The following AP3B1 variants were observed in gnomAD, a reference collection of about 807,000 sequenced individuals.
AP3B1 encodes the protein adaptor related protein complex 3 subunit beta 1.
A neutral mutation model predicts 132.5 loss-of-function variants in AP3B1; 61 were observed. The ratio of observed to expected loss-of-function variants is 0.46; its 90% CI spans 0.37 to 0.57. AP3B1 has a LOEUF of 0.57. Ranked by LOEUF, AP3B1 falls within the 20% of genes least tolerant of loss-of-function variation. The pLI is 0.00. For synonymous variants in AP3B1, 388 were observed against 438.3 expected (o/e 0.89, Z 1.43); for missense variants, 1,120 against 1,289.4 (o/e 0.87, Z 2.01).
At chr5:78,007,435 CT>C (rs34485900) in intron 26 of AP3B1, among the ~76,000 whole-genome samples, 13,807 of 146,596 alleles carry the variant, frequency 0.094, 1,216 homozygotes, top group African/African-American at 0.22. Context: ...CAGGCTAAAA[CT>C]TTTTTTTTTT....
intron 22 of AP3B1, among the ~76,000 whole-genome samples, chr5:78,085,504 C>T (rs1750203400): frequency 6.6e-6 from 1 of 152,110 alleles, no homozygotes; most frequent in African/African-American, 2.4e-5. Context: ...AAAGACAGAA[C>T]ATTATCAGCA....
intron 22 of AP3B1, among the ~76,000 whole-genome samples, chr5:78,053,019 G>C (rs965713614): frequency 6.6e-6 from 1 of 152,200 alleles, no homozygotes; most frequent in African/African-American, 2.4e-5. Flanking sequence ...AGAACCCAGA[G>C]CATTTTACAG....
intron 11 of AP3B1, among the ~76,000 whole-genome samples, chr5:78,166,595 CTT>C (rs1016391468): frequency 6.3e-4 from 96 of 152,054 alleles, no homozygotes; most frequent in African/African-American, 2.3e-3. Context: ...AATATTTAGT[CTT>C]AAGAAAATCA....
chr5:78,130,889 A>G (rs1053574429), intron 15 of AP3B1, among the ~76,000 whole-genome samples: 2 of 151,996 alleles, frequency 1.3e-5, no homozygotes, highest in Non-Finnish European at 2.9e-5. Context: ...TAGCAGAATG[A>G]TACATTTGGC....
intron 15 of AP3B1, among the ~76,000 whole-genome samples, chr5:78,134,157 A>AAAAAAAAAAG (rs1752807274): frequency 6.6e-6 from 1 of 151,594 alleles, no homozygotes; most frequent in African/African-American, 2.4e-5. Flanking sequence ...CTCAAAAAAA[A>AAAAAAAAAAG]AAAAAAAAAG....
At chr5:78,184,832 T>A (rs983702070) in intron 7 of AP3B1, among the ~76,000 whole-genome samples, 1 of 152,300 alleles carries the variant, frequency 6.6e-6, no homozygotes, top group Non-Finnish European at 1.5e-5. Context: ...TGCAAACTTT[T>A]TAAATTTGGC....
intron 22 of AP3B1, among the ~76,000 whole-genome samples, chr5:78,086,576 C>T (rs1195787153): frequency 2.0e-5 from 3 of 152,098 alleles, no homozygotes; most frequent in Non-Finnish European, 4.4e-5. Context: ...AATGCTTTGA[C>T]GTTTACAACT....
chr5:78,283,410 T>C (rs997602386), intron 1 of AP3B1, among the ~76,000 whole-genome samples: 3 of 152,212 alleles, frequency 2.0e-5, no homozygotes, highest in Admixed American at 6.5e-5. Flanking sequence ...TTCAAAAACT[T>C]GTACAATCAA....
chr5:78,267,116 TA>T (rs1748352453), intron 2 of AP3B1, among the ~76,000 whole-genome samples: 1 of 151,940 alleles, frequency 6.6e-6, no homozygotes, highest in Admixed American at 6.6e-5. Context: ...TAAGAGAATT[TA>T]AAAAACAGAT....
chr5:78,193,770 A>ATATATATATATTTTTTTTT lies in AP3B1; in HGVS notation c.787-12109_787-12108insAAAAAAAAATATATATATA. On this transcript the variant is annotated intron_variant, in intron 7 of 26. Transcript: ENST00000255194. ...TATATATATATATATATATATATAT[A>ATATATATATATTTTTTTTT]TTTTTTTTTTAGACAGAGTCTCGCT... Among the ~76,000 whole-genome samples, 451 of 66,840 alleles carry ATATATATATATTTTTTTTT rather than the reference A, an allele frequency of 6.7e-3. 2 individuals are homozygous for ATATATATATATTTTTTTTT. Among genetic ancestry groups the ATATATATATATTTTTTTTT allele is most frequent in the Non-Finnish European group, 0.011 (344 of 30,862 alleles). 43.8% of individuals were successfully genotyped at this position (66,840 alleles called of 152,430 possible). A position where few individuals can be genotyped will look rare whatever the true frequency, so the allele number is the denominator to read the frequency against.
intron 25 of AP3B1, among the ~76,000 whole-genome samples, chr5:78,016,752 T>C (rs927280999): frequency 2.0e-5 from 3 of 152,142 alleles, no homozygotes; most frequent in Non-Finnish European, 4.4e-5. Flanking sequence ...ACAAGCATTT[T>C]TCACTAACCA....
At chr5:78,061,777 G>A (rs1749072982) in intron 22 of AP3B1, among the ~76,000 whole-genome samples, 1 of 152,170 alleles carries the variant, frequency 6.6e-6, no homozygotes, top group Admixed American at 6.5e-5. Context: ...TGTACCCTGA[G>A]TAAATAACTT....
intron 17 of AP3B1, among the ~76,000 whole-genome samples, chr5:78,121,132 T>A (rs1056488820): frequency 3.3e-5 from 5 of 152,084 alleles, no homozygotes; most frequent in Non-Finnish European, 5.9e-5. Context: ...ATAAAGATGT[T>A]CTTTGAAACC....
chr5:78,134,872 C>T (rs886472647), intron 15 of AP3B1, among the ~76,000 whole-genome samples: 2 of 152,184 alleles, frequency 1.3e-5, no homozygotes, highest in African/African-American at 2.4e-5. Context: ...CATGACTAAA[C>T]AGGATTCTTT....
intron 19 of AP3B1, among the ~76,000 whole-genome samples, chr5:78,110,727 C>T (rs1021861550): frequency 1.4e-5 from 2 of 145,536 alleles, no homozygotes; most frequent in Admixed American, 6.9e-5. Context: ...TGTATGTATA[C>T]ATACATGTAT....
intron 6 of AP3B1, among the ~76,000 whole-genome samples, chr5:78,219,078 T>C (rs942851375): frequency 6.6e-6 from 1 of 152,132 alleles, no homozygotes; most frequent in Non-Finnish European, 1.5e-5. Flanking sequence ...ACGGTTTAGC[T>C]ATACACTACC....
At chr5:78,048,838 C>A (rs1284541009) in intron 22 of AP3B1, among the ~76,000 whole-genome samples, 1 of 152,140 alleles carries the variant, frequency 6.6e-6, no homozygotes, top group South Asian at 2.1e-4. Flanking sequence ...CTATCTCCCC[C>A]ACTCTACTAC....
In AP3B1 at chr5:78,168,412, C is replaced by T. The variant is rs138554836; in HGVS notation, c.1168-2740G>A. ...CTTATTTTAAATTTTTTTGTAGGGA[C>T]GGAGTCTCGTTGTGTTGCTCAGGCT... On this transcript the variant is annotated intron_variant, in intron 11 of 26. Transcript: ENST00000255194. Among the ~76,000 whole-genome samples, 37 of 151,634 alleles carry T rather than the reference C, an allele frequency of 2.4e-4. No individual in the cohort carries two copies. The East Asian group carries it at 4.8e-3, about 20-fold the overall frequency.
intron 17 of AP3B1, among the ~76,000 whole-genome samples, chr5:78,121,400 C>T (rs1349367939): frequency 1.3e-5 from 2 of 152,136 alleles, no homozygotes; most frequent in Non-Finnish European, 2.9e-5. Flanking sequence ...ATCAATGAAT[C>T]CAGGAGCTGC....
Sources: gnomAD v4.1 joint callset for allele counts (sites outside exome capture counted in the v4.1 genomes callset) on GRCh38, gnomAD v4.1.1 for gene constraint, MANE v1.5 for transcripts, NCBI Gene and HGNC (gene_info 2026-07-23, HGNC 2026-07-21) for gene names.